The following SERPING1 variants were observed in gnomAD, a reference collection of about 807,000 sequenced individuals.
SERPING1 encodes the protein plasma protease C1 inhibitor.
Under a neutral mutation model 34.1 loss-of-function variants are expected in SERPING1, and 5 were observed. The ratio of observed to expected loss-of-function variants is 0.15; its 90% CI spans 0.08 to 0.31. The LOEUF (loss-of-function observed/expected upper bound fraction) is 0.31. Ranked by LOEUF, SERPING1 falls within the 10% of genes least tolerant of loss-of-function variation. The pLI, the probability that SERPING1 is intolerant of heterozygous loss-of-function variation, is 1.00. For synonymous variants in SERPING1, 225 were observed against 242.4 expected (o/e 0.93, Z 0.67); for missense variants, 505 against 609.5 (o/e 0.83, Z 1.81).
At chr11:57,602,760 A>C (rs903755883) in intron 4 of SERPING1, among the ~76,000 whole-genome samples, 18 of 136,454 alleles carry the variant, frequency 1.3e-4, no homozygotes, top group African/African-American at 2.5e-4. Flanking sequence ...GTCTCAAAAA[A>C]AAAAACAAAA....
At chr11:57,608,389 G>A (rs775511312) in intron 6 of SERPING1, among the ~76,000 whole-genome samples, 2 of 152,128 alleles carry the variant, frequency 1.3e-5, no homozygotes, top group Non-Finnish European at 2.9e-5. Context: ...AAACCATTGA[G>A]GTGAGGTGAT....
At chr11:57,610,899 A>G (rs145760566) in intron 6 of SERPING1, among the ~76,000 whole-genome samples, 44 of 151,872 alleles carry the variant, frequency 2.9e-4, no homozygotes, top group African/African-American at 1.0e-3. Flanking sequence ...CACTTCTTAC[A>G]TACTTTTGTC....
At chr11:57,602,911 C>T (rs1460742714) in intron 4 of SERPING1, among the ~76,000 whole-genome samples, 3 of 148,142 alleles carry the variant, frequency 2.0e-5, no homozygotes, top group East Asian at 2.0e-4. Context: ...GGCAGCATGG[C>T]GAAACCTGTC....
chr11:57,597,910 C>T (rs973836795), intron 1 of SERPING1, 188 bp downstream of exon 1: 2 of 275,190 alleles, frequency 7.3e-6, no homozygotes, highest in Admixed American at 4.8e-5. Context: ...CTGTTGTGCT[C>T]AGCCCCCCAG....
chr11:57,598,153 T>A (rs1212418132), intron 1 of SERPING1, 96 bp from the exon 2 acceptor site: 5 of 880,554 alleles, frequency 5.7e-6, no homozygotes, highest in Non-Finnish European at 8.7e-6. Context: ...TAAGAGGGAC[T>A]GGGGCCTGAG....
intron 6 of SERPING1, among the ~76,000 whole-genome samples, chr11:57,608,381 A>G (rs1945435908): frequency 1.3e-5 from 2 of 152,222 alleles, no homozygotes; most frequent in Admixed American, 1.3e-4. Context: ...GACTGTTGAA[A>G]CCATTGAGGT....
At chr11:57,611,275 T>G in intron 6 of SERPING1, 1 of 225,156 alleles carries the variant, frequency 4.4e-6, no homozygotes, top group Non-Finnish European at 8.9e-6. Flanking sequence ...CTGTGAACAA[T>G]CTTGAATGCC....
intron 6 of SERPING1, chr11:57,606,785 A>G: frequency 1.5e-6 from 1 of 689,590 alleles, no homozygotes; most frequent in South Asian, 1.5e-5. Flanking sequence ...TCTCTACTAT[A>G]TTGAATGGCA....
intron 4 of SERPING1, among the ~76,000 whole-genome samples, chr11:57,602,729 T>C (rs1239317905): frequency 7.1e-6 from 1 of 139,972 alleles, no homozygotes; most frequent in Non-Finnish European, 1.5e-5. Flanking sequence ...CACTCCAGCC[T>C]GGGCGACAGA....
At chr11:57,599,717 G>A (rs1311725874) in intron 2 of SERPING1, 162 bp from the exon 3 acceptor site, 1 of 923,120 alleles carries the variant, frequency 1.1e-6, no homozygotes, top group Non-Finnish European at 1.7e-6. Flanking sequence ...AGGAATTAGT[G>A]GTGGTGGTTC....
intron 6 of SERPING1, among the ~76,000 whole-genome samples, chr11:57,610,519 G>C (rs2508443): frequency 2.0e-5 from 3 of 152,038 alleles, no homozygotes; most frequent in Admixed American, 6.6e-5. Flanking sequence ...GGCTATTCAG[G>C]TTCCGACAAT....
At chr11:57,613,201 A>C (rs1322629614) in intron 7 of SERPING1, among the ~76,000 whole-genome samples, 3 of 152,180 alleles carry the variant, frequency 2.0e-5, no homozygotes, top group Non-Finnish European at 4.4e-5. Context: ...CTGGCCACCA[A>C]ACAGGTGTGG....
chr11:57,611,360 T>C, intron 6 of SERPING1: 1 of 332,316 alleles, frequency 3.0e-6, no homozygotes, highest in African/African-American at 2.1e-5. Context: ...ACCTGATAAC[T>C]CTGGCGGTTC....
rs995335918 is a variant in SERPING1, at chr11:57,598,463, T to A, written c.51+142T>A. 1.1e-5 allele frequency: 9 copies of A among 787,402 alleles called. No individual in the cohort carries two copies. The Admixed American group carries it at 2.1e-4, about 18-fold the overall frequency. The allele number at this position is 787,402 out of a possible 1,614,324, so 48.8% of individuals were successfully genotyped here. On this transcript the variant is annotated intron_variant, in intron 2 of 7. Transcript: ENST00000278407. ...TCTTGGGATCATTGAGTGTGATCCT[T>A]GCACACGCACTCGTAGATGGTGGAA... is the stretch of plus-strand genomic sequence containing the variant.
intron 4 of SERPING1, 116 bp downstream of exon 4, chr11:57,602,285 G>T: frequency 2.4e-6 from 3 of 1,262,648 alleles, no homozygotes; most frequent in Non-Finnish European, 3.4e-6. Flanking sequence ...CAGTATCAGG[G>T]ATGGACTGCA....
rs536995739 is a variant in SERPING1 at position 57,613,862 on chromosome 11, G to A, written c.1250-466G>A. Among the ~76,000 whole-genome samples, 11 of 152,144 alleles carry A rather than the reference G, an allele frequency of 7.2e-5. No individual in the cohort carries two copies. The South Asian group carries it at 1.4e-3, about 20-fold the overall frequency. The stretch of plus-strand genomic sequence containing the variant: ...GCACAAAAGGCATTCCTATGACCCA[G>A]GAAATTCCAAGGGATCTAGTAGCTC... On this transcript the variant is annotated intron_variant, in intron 7 of 7. Transcript: ENST00000278407.
intron 6 of SERPING1, among the ~76,000 whole-genome samples, chr11:57,610,178 A>G (rs141011661): frequency 2.6e-5 from 4 of 152,384 alleles, no homozygotes; most frequent in African/African-American, 9.6e-5. Flanking sequence ...AATAACAAAC[A>G]TACAGGTTAC....
intron 2 of SERPING1, among the ~76,000 whole-genome samples, chr11:57,599,033 G>T (rs967114894): frequency 6.6e-6 from 1 of 152,100 alleles, no homozygotes; most frequent in African/African-American, 2.4e-5. Context: ...TTGACCCCTA[G>T]CTGTTTCTCC....
Position 57,614,312 on chromosome 11 carries a change from T to G in SERPING1, c.1250-16T>G. 6.2e-7 allele frequency: 1 copy of G among 1,612,818 alleles called. No individual in the cohort carries two copies. Among genetic ancestry groups the G allele is most frequent in the Non-Finnish European group, 8.5e-7 (1 of 1,180,022 alleles). Reference sequence around the variant, plus strand: ...ATGCTGGCTTCTGACTCTGTTTTTCTCTGGTTTTGCCCTAGAATTCTTCGA... The same window carrying G: ...ATGCTGGCTTCTGACTCTGTTTTTCGCTGGTTTTGCCCTAGAATTCTTCGA... On this transcript the variant is annotated splice_polypyrimidine_tract_variant and intron_variant, in intron 7 of 7. Coordinates refer to ENST00000278407, the MANE Select transcript of SERPING1 (RefSeq NM_000062.3).
Sources: gnomAD v4.1 joint callset for allele counts (sites outside exome capture counted in the v4.1 genomes callset) on GRCh38, gnomAD v4.1.1 for gene constraint, MANE v1.5 for transcripts, NCBI Gene and HGNC (gene_info 2026-07-23, HGNC 2026-07-21) for gene names.